The following FSD2 variants were observed in gnomAD, a reference collection of about 807,000 sequenced individuals.
FSD2 encodes the protein fibronectin type III and SPRY domain containing 2, also known as fibronectin type III and SPRY domain-containing protein 2.
A neutral mutation model predicts 80.4 loss-of-function variants in FSD2; 71 were observed. The observed-to-expected ratio is 0.88, with a 90% CI of 0.73 to 1.08. FSD2 has a LOEUF of 1.08. Among genes scored for constraint, FSD2 ranks in the 50% least tolerant of loss-of-function variants. The pLI, the probability that FSD2 is intolerant of heterozygous loss-of-function variation, is 0.00. For missense variants in FSD2, 923 were observed against 913.8 expected (o/e 1.01, Z -0.13); for synonymous variants, 361 against 329.5 (o/e 1.10, Z -1.03).
rs76293074 is a variant in FSD2 at position 82,792,491 on chromosome 15, A to T, written c.-78-5023T>A. On this transcript the variant is annotated intron_variant, in intron 1 of 12. Transcript: ENST00000334574. ...TGCCTTTTTGTTATTGAGCTCTAAG[A>T]GTTCTTTGTGTATTCTGCATTCTAG... 3.3e-5 allele frequency among the ~76,000 whole-genome samples: 5 copies of T among 152,124 alleles called. No individual in the cohort carries two copies. The East Asian group carries it at 9.6e-4, about 29-fold the overall frequency.
chr15:82,765,324 A>T (rs1392083892), intron 10 of FSD2, 26 bp from the exon 11 acceptor site: 43 of 1,611,946 alleles, frequency 2.7e-5, no homozygotes, highest in Non-Finnish European at 8.5e-7. Context: ...CACACAGAAG[A>T]CCCGCAGCCA....
chr15:82,778,940 G>A, intron 5 of FSD2, 53 bp from the exon 6 acceptor site: 1 of 1,599,404 alleles, frequency 6.3e-7, no homozygotes, highest in African/African-American at 1.3e-5. Context: ...TCTCCTTAGG[G>A]TATATATATA....
intron 12 of FSD2, 134 bp downstream of exon 12, chr15:82,761,968 G>T: frequency 1.3e-6 from 1 of 798,776 alleles, no homozygotes; most frequent in Non-Finnish European, 1.9e-6. Context: ...AGGGAAAGTG[G>T]CTGGCAGCAA....
In FSD2 at chr15:82,765,958, G is replaced by A. The variant is rs1235826219; in HGVS notation, c.1627C>T (p.Arg543Ter). 42 of 1,605,616 alleles carry A rather than the reference G, an allele frequency of 2.6e-5. No individual in the cohort carries two copies. Among genetic ancestry groups the A allele is most frequent in the Admixed American group, 1.0e-4 (6 of 58,952 alleles). ...QPGRSYIIYV[R>*]ALNMGGPSVR... ...CTGGGGCCCCCCATATTGAGGGCTC[G>A]CACATAGATAATGTAGCTCCGCCCC... The change falls in exon 10 of 13, where the codon CGA becomes TGA. Residue 543 changes from arginine to a stop codon, truncating the protein, a stop_gained. Transcript: ENST00000334574. LOFTEE classifies it high-confidence loss of function.
At chr15:82,800,683 T>C (rs1596267137) in intron 1 of FSD2, among the ~76,000 whole-genome samples, 1 of 78,298 alleles carries the variant, frequency 1.3e-5, no homozygotes, top group Admixed American at 1.3e-4. Flanking sequence ...TAGAGCGAGA[T>C]TCTGTCTCAA....
At chr15:82,765,363 G>T in intron 10 of FSD2, 65 bp from the exon 11 acceptor site, 2 of 1,606,390 alleles carry the variant, frequency 1.2e-6, no homozygotes, top group Admixed American at 3.4e-5. Flanking sequence ...GTGGGCGGTG[G>T]TCACCGGTTT....
intron 4 of FSD2, among the ~76,000 whole-genome samples, chr15:82,781,517 C>T (rs1306026369): frequency 1.3e-5 from 2 of 152,202 alleles, no homozygotes; most frequent in Non-Finnish European, 2.9e-5. Context: ...CTTCCCCCTC[C>T]TCCTGTGGCA....
At chr15:82,790,907 T>C (rs2050133864) in intron 1 of FSD2, among the ~76,000 whole-genome samples, 1 of 151,326 alleles carries the variant, frequency 6.6e-6, no homozygotes, top group Admixed American at 6.6e-5. Context: ...TTAATTCTTT[T>C]TTGTAACAGT....
intron 11 of FSD2, among the ~76,000 whole-genome samples, chr15:82,762,609 A>G (rs1282154963): frequency 6.6e-6 from 1 of 152,226 alleles, no homozygotes; most frequent in Non-Finnish European, 1.5e-5. Flanking sequence ...TTGAAAATAC[A>G]CAACACAGCA....
intron 12 of FSD2, among the ~76,000 whole-genome samples, chr15:82,761,411 C>A (rs2049293451): frequency 6.6e-6 from 1 of 152,142 alleles, no homozygotes; most frequent in Admixed American, 6.6e-5. Flanking sequence ...GCAGCAGGAG[C>A]AAACCAGAAT....
chr15:82,799,036 C>A (rs2050348715), intron 1 of FSD2, among the ~76,000 whole-genome samples: 1 of 151,912 alleles, frequency 6.6e-6, no homozygotes, highest in African/African-American at 2.4e-5. Context: ...CACCACCACG[C>A]CTGGCTAATT....
Position 82,769,730 on chromosome 15 carries a change from G to C in FSD2, c.1402+20C>G. 6.3e-7 allele frequency: 1 copy of C among 1,594,014 alleles called. No individual in the cohort carries two copies. Among genetic ancestry groups the C allele is most frequent in the Non-Finnish European group, 8.6e-7 (1 of 1,164,462 alleles). ...CCGCTTGAATGAAAGCCCTGCTATA[G>C]GAAATGAGTAGCCCATTACCTGTCA... is the stretch of plus-strand genomic sequence containing the variant. On this transcript the variant is annotated intron_variant, in intron 8 of 12. Transcript: ENST00000334574.
chr15:82,761,565 A>T (rs1430742728), intron 12 of FSD2, among the ~76,000 whole-genome samples: 1 of 152,196 alleles, frequency 6.6e-6, no homozygotes, highest in Non-Finnish European at 1.5e-5. Context: ...AATCTTTGGA[A>T]CCAGACTGCT....
intron 7 of FSD2, among the ~76,000 whole-genome samples, chr15:82,771,434 T>C (rs1054568796): frequency 1.3e-5 from 2 of 152,224 alleles, no homozygotes; most frequent in Non-Finnish European, 2.9e-5. Context: ...CCCTCCCTCC[T>C]TAAGAAAGAA....
intron 7 of FSD2, among the ~76,000 whole-genome samples, chr15:82,771,694 C>T (rs1166112387): frequency 1.3e-5 from 2 of 152,198 alleles, no homozygotes; most frequent in South Asian, 2.1e-4. Context: ...CACAAGGCTG[C>T]TATGAGAAGA....
Position 82,804,837 on chromosome 15 carries a change from A to G in FSD2, c.-79+1129T>C, listed in dbSNP as rs137962634. Among the ~76,000 whole-genome samples, 64 of 152,298 alleles carry G rather than the reference A, an allele frequency of 4.2e-4. No individual in the cohort carries two copies. The East Asian group carries it at 7.7e-3, about 18-fold the overall frequency. On this transcript the variant is annotated intron_variant, in intron 1 of 12. Transcript: ENST00000334574. The stretch of plus-strand genomic sequence containing the variant: ...CTCAACACAAACTGGCTCAGTGTCA[A>G]AGTAGGAATTTTGCAACACACCCTA...
chr15:82,790,704 T>C (rs1468399925), intron 1 of FSD2, among the ~76,000 whole-genome samples: 1 of 151,074 alleles, frequency 6.6e-6, no homozygotes, highest in Non-Finnish European at 1.5e-5. Context: ...GCCTCCCTAG[T>C]AGCTGGGACT....
At position 82,778,787 on chromosome 15, in the gene FSD2, C is replaced by T; in HGVS notation, c.1090G>A (p.Gly364Ser). ...GCACCTGGAATGGTGTTAATGGAGC[C>T]CATCAGCTGCTCCACATCAGAGAAA... ...LDFSDVEQLM[G>S]SINTIPAPSA... Residue 364 changes from glycine (G) to serine (S), a missense_variant, in exon 6 of 13, where the codon GGC becomes AGC. Transcript: ENST00000334574. The T allele has an allele frequency of 6.2e-7, 1 of 1,612,616 alleles. No homozygotes were observed. Among genetic ancestry groups the T allele is most frequent in the South Asian group, 1.1e-5 (1 of 90,852 alleles).
intron 3 of FSD2, among the ~76,000 whole-genome samples, chr15:82,785,193 G>A (rs970781733): frequency 1.2e-4 from 18 of 152,196 alleles, no homozygotes; most frequent in African/African-American, 4.1e-4. Context: ...AGATTGGGAG[G>A]GAGAGGGGCT....
Sources: gnomAD v4.1 joint callset for allele counts (sites outside exome capture counted in the v4.1 genomes callset) on GRCh38, gnomAD v4.1.1 for gene constraint, MANE v1.5 for transcripts, NCBI Gene and HGNC (gene_info 2026-07-23, HGNC 2026-07-21) for gene names.